B4GALNT3: variants seen among roughly 807,000 people sequenced by gnomAD.
B4GALNT3 encodes the protein beta-1,4-N-acetylgalactosaminyltransferase 3.
In B4GALNT3, 86 loss-of-function variants were observed where a neutral mutation model predicts 120.2. The observed-to-expected ratio is 0.72, with a 90% CI of 0.60 to 0.86. The LOEUF is 0.86. Ranked by LOEUF, B4GALNT3 falls within the 40% of genes least tolerant of loss-of-function variation. The pLI, the probability that B4GALNT3 is intolerant of heterozygous loss-of-function variation, is 0.00. For missense variants in B4GALNT3, 1,167 were observed against 1,298.9 expected, an observed-to-expected ratio of 0.90 and a Z score of 1.56; for synonymous variants, 518 against 510.4, an observed-to-expected ratio of 1.01 and a Z score of -0.20.
Position 477,622 on chromosome 12 carries a change from A to G in B4GALNT3, c.169+17077A>G, listed in dbSNP as rs552471546. 2.6e-5 allele frequency among the ~76,000 whole-genome samples: 4 copies of G among 152,374 alleles called. No individual in the cohort carries two copies. In the East Asian group the frequency reaches 5.8e-4, roughly 22 times the overall value. On this transcript the variant is annotated intron_variant, in intron 1 of 19. Coordinates refer to ENST00000266383, the MANE Select transcript of B4GALNT3 (RefSeq NM_173593.4). ...TCTTAAATAAAAGGCAAATGGAGTC[A>G]TGATTTCCTCTCTCACTTTCTTGAA... is the stretch of plus-strand genomic sequence containing the variant.
chr12:493,388 A>G (rs1482123895), intron 1 of B4GALNT3, among the ~76,000 whole-genome samples: 1 of 152,216 alleles, frequency 6.6e-6, no homozygotes, highest in East Asian at 1.9e-4. Flanking sequence ...ACCTATTAGA[A>G]TGGCCAAAAT....
At chr12:555,771 ATTTATT>A (rs1156375466) in intron 14 of B4GALNT3, among the ~76,000 whole-genome samples, 1 of 151,426 alleles carries the variant, frequency 6.6e-6, no homozygotes, top group Non-Finnish European at 1.5e-5. Flanking sequence ...ATTGTGTTTT[ATTTATT>A]TTTATTTTTA....
intron 1 of B4GALNT3, among the ~76,000 whole-genome samples, chr12:524,657 AAAAAG>A (rs1280073360): frequency 2.1e-5 from 3 of 143,424 alleles, no homozygotes; most frequent in Admixed American, 7.5e-5. Context: ...AAAAAAAAGA[AAAAAG>A]AAAAGAAAAC....
rs1565609082 is a variant in B4GALNT3 at position 548,318 on chromosome 12, C to T, written c.853+21C>T. 3 of 1,610,616 alleles carry T rather than the reference C, an allele frequency of 1.9e-6. No homozygotes were observed. Among genetic ancestry groups the T allele is most frequent in the Non-Finnish European group, 1.7e-6 (2 of 1,176,884 alleles). The stretch of plus-strand genomic sequence containing the variant: ...CACAAGTGAGTAGGCTCTGGCCCTG[C>T]CCTGGAGATGGAGGCCAGGTGGGGA... On this transcript the variant is annotated intron_variant, in intron 9 of 19. Transcript: ENST00000266383. This position sits in a 1 kb window ranked among gnomAD's most constrained non-coding sequence, Gnocchi z 4.9.
intron 14 of B4GALNT3, among the ~76,000 whole-genome samples, chr12:554,660 G>C (rs186672807): frequency 0.026 from 3,870 of 150,472 alleles, 184 homozygotes; most frequent in African/African-American, 0.09. Context: ...CATAGTGGCG[G>C]GCGCCTGTAG....
chr12:509,114 A>G (rs1946523208), intron 1 of B4GALNT3, among the ~76,000 whole-genome samples: 2 of 152,202 alleles, frequency 1.3e-5, no homozygotes, highest in African/African-American at 4.8e-5. Flanking sequence ...CAACACTTCA[A>G]AGATGATGGA....
At chr12:547,051 C>T (rs1056844143) in intron 7 of B4GALNT3, among the ~76,000 whole-genome samples, 2 of 152,344 alleles carry the variant, frequency 1.3e-5, no homozygotes, top group East Asian at 1.9e-4. Flanking sequence ...AGGTCCCCCT[C>T]GGTCGTCTGG....
intron 1 of B4GALNT3, among the ~76,000 whole-genome samples, chr12:496,784 C>A (rs769138475): frequency 6.6e-6 from 1 of 152,186 alleles, no homozygotes; most frequent in Non-Finnish European, 1.5e-5. Flanking sequence ...CTGCCTTCTG[C>A]GTCTGTGGAT....
intron 2 of B4GALNT3, among the ~76,000 whole-genome samples, chr12:535,973 T>G (rs2120664756): frequency 6.6e-6 from 1 of 152,128 alleles, no homozygotes; most frequent in South Asian, 2.1e-4. Context: ...CCTCAAGAGG[T>G]CCTGACCTAA....
At chr12:503,526 C>G (rs116884594) in intron 1 of B4GALNT3, among the ~76,000 whole-genome samples, 2 of 152,300 alleles carry the variant, frequency 1.3e-5, no homozygotes, top group East Asian at 1.9e-4. Flanking sequence ...GCTCACTGCT[C>G]ACGCCTCTTT....
chr12:478,189 G>A (rs186860997), intron 1 of B4GALNT3, among the ~76,000 whole-genome samples: 1 of 149,640 alleles, frequency 6.7e-6, no homozygotes, highest in African/African-American at 2.5e-5. Context: ...GATCAAGGCT[G>A]CAGTGAGCTG....
chr12:523,412 C>G (rs1233210392), intron 1 of B4GALNT3, among the ~76,000 whole-genome samples: 1 of 152,208 alleles, frequency 6.6e-6, no homozygotes, highest in Non-Finnish European at 1.5e-5. Flanking sequence ...AACTTTAACT[C>G]ATTTATACAG....
intron 1 of B4GALNT3, among the ~76,000 whole-genome samples, chr12:472,136 T>C (rs1458455973): frequency 6.6e-6 from 1 of 152,180 alleles, no homozygotes; most frequent in African/African-American, 2.4e-5. Context: ...CAAACTTTTG[T>C]AGGGAACACA....
chr12:557,008 A>G (rs1318899238), intron 15 of B4GALNT3, 142 bp downstream of exon 15: 1 of 913,670 alleles, frequency 1.1e-6, no homozygotes, highest in African/African-American at 1.7e-5. Flanking sequence ...GAGGCTCACA[A>G]AAGGAAAGTC....
At chr12:477,630 C>G (rs776629567) in intron 1 of B4GALNT3, among the ~76,000 whole-genome samples, 6 of 152,174 alleles carry the variant, frequency 3.9e-5, no homozygotes, top group Non-Finnish European at 8.8e-5. Context: ...TCATGATTTC[C>G]TCTCTCACTT....
chr12:492,999 A>G (rs920791596), intron 1 of B4GALNT3, among the ~76,000 whole-genome samples: 6 of 152,192 alleles, frequency 3.9e-5, no homozygotes, highest in Admixed American at 1.3e-4. Context: ...AGACAACCAC[A>G]TAGGAGAAAA....
At chr12:466,783 A>G (rs865899033) in intron 1 of B4GALNT3, among the ~76,000 whole-genome samples, 3 of 152,286 alleles carry the variant, frequency 2.0e-5, no homozygotes, top group Non-Finnish European at 2.9e-5. Context: ...TTTATGTTCA[A>G]TATGTTCTTT....
intron 1 of B4GALNT3, among the ~76,000 whole-genome samples, chr12:513,226 G>A (rs1290296119): frequency 6.7e-6 from 1 of 148,590 alleles, no homozygotes; most frequent in Non-Finnish European, 1.5e-5. Flanking sequence ...TACCGTTCTT[G>A]GATTTTGCCA....
chr12:534,347 A>G (rs1022528699), intron 1 of B4GALNT3, among the ~76,000 whole-genome samples: 8 of 152,126 alleles, frequency 5.3e-5, no homozygotes, highest in African/African-American at 1.9e-4. Flanking sequence ...CTCCTCTGAG[A>G]TGGGAGTCCC....
Sources: allele counts gnomAD v4.1 joint callset (sites outside exome capture counted in the v4.1 genomes callset), GRCh38; gene constraint gnomAD v4.1.1; non-coding constraint Gnocchi (gnomAD v3.1); transcripts MANE v1.5; gene names NCBI Gene and HGNC (gene_info 2026-07-23, HGNC 2026-07-21).